The following DLG2 variants were observed in gnomAD, a reference collection of about 807,000 sequenced individuals.
DLG2 encodes discs large MAGUK scaffold protein 2, also known as disks large homolog 2.
Under a neutral mutation model 132.5 loss-of-function variants are expected in DLG2, and 45 were observed. The observed-to-expected ratio is 0.34, with a 90% CI of 0.27 to 0.44. The LOEUF (loss-of-function observed/expected upper bound fraction) is 0.44. Ranked by LOEUF, DLG2 falls within the 20% of genes least tolerant of loss-of-function variation. DLG2 has a pLI of 1.00. For synonymous variants in DLG2, 424 were observed against 419.6 expected (o/e 1.01, Z -0.13); for missense variants, 1,045 against 1,196.9 (o/e 0.87, Z 1.87).
chr11:85,194,543 C>T (rs191109649), intron 4 of DLG2, among the ~76,000 whole-genome samples: 1 of 151,928 alleles, frequency 6.6e-6, no homozygotes, highest in Non-Finnish European at 1.5e-5. Flanking sequence ...CCAGAAGTCT[C>T]AGAGAGTAGA....
chr11:84,856,739 G>T (rs2082836866), intron 6 of DLG2, among the ~76,000 whole-genome samples: 1 of 151,962 alleles, frequency 6.6e-6, no homozygotes. Context: ...TCTAAAGACT[G>T]AGACGAAAGT....
chr11:83,589,958 G>A (rs1396058122), intron 19 of DLG2, among the ~76,000 whole-genome samples: 1 of 143,118 alleles, frequency 7.0e-6, no homozygotes, highest in Non-Finnish European at 1.5e-5. Flanking sequence ...AAATATATAT[G>A]CACCCAATAC....
intron 4 of DLG2, among the ~76,000 whole-genome samples, chr11:85,260,294 G>GA (rs1204458039): frequency 2.6e-5 from 4 of 152,306 alleles, no homozygotes; most frequent in African/African-American, 9.6e-5. Context: ...ACTGTCAATA[G>GA]AGTGCTACTT....
At chr11:84,404,907 C>A (rs192629930) in intron 7 of DLG2, among the ~76,000 whole-genome samples, 6 of 152,232 alleles carry the variant, frequency 3.9e-5, no homozygotes, top group Non-Finnish European at 8.8e-5. Flanking sequence ...ATGTCACTTA[C>A]TTTTTATAGA....
At chr11:84,359,767 T>C (rs186675468) in intron 7 of DLG2, among the ~76,000 whole-genome samples, 54 of 152,026 alleles carry the variant, frequency 3.6e-4, no homozygotes, top group Admixed American at 2.4e-3. Context: ...GAGCTTCCTA[T>C]GGCTCCCTAC....
At chr11:84,251,206 T>C (rs1222135634) in intron 8 of DLG2, 32 bp downstream of exon 8, 5 of 1,420,800 alleles carry the variant, frequency 3.5e-6, no homozygotes, top group Non-Finnish European at 4.8e-6. Flanking sequence ...ACCACAGTTT[T>C]AAAAGAAGGT....
At chr11:84,819,704 C>T (rs564710097) in intron 6 of DLG2, among the ~76,000 whole-genome samples, 3 of 151,904 alleles carry the variant, frequency 2.0e-5, no homozygotes, top group African/African-American at 4.8e-5. Context: ...GCTGAGTTAC[C>T]GCCTCACTGG....
chr11:85,056,942 C>T (rs1156377924), intron 6 of DLG2, among the ~76,000 whole-genome samples: 2 of 151,640 alleles, frequency 1.3e-5, no homozygotes, highest in Non-Finnish European at 3.0e-5. Flanking sequence ...TTAAAAAATA[C>T]TAAAGAGAGT....
At chr11:84,944,204 T>C (rs144003333) in intron 6 of DLG2, among the ~76,000 whole-genome samples, 2 of 152,296 alleles carry the variant, frequency 1.3e-5, no homozygotes, top group East Asian at 1.9e-4. Flanking sequence ...TGTTGTGCAG[T>C]AGTCTTCTTT....
chr11:84,327,374 T>C (rs1411761364), intron 7 of DLG2, among the ~76,000 whole-genome samples: 1 of 152,168 alleles, frequency 6.6e-6, no homozygotes, highest in Non-Finnish European at 1.5e-5. Flanking sequence ...TGAGACACCG[T>C]GCCCAGCTGA....
At chr11:85,083,629 G>C (rs1350778653) in intron 6 of DLG2, among the ~76,000 whole-genome samples, 2 of 152,060 alleles carry the variant, frequency 1.3e-5, no homozygotes, top group African/African-American at 2.4e-5. Context: ...CGGCAGGGGG[G>C]CTTCTAGGTC....
chr11:85,190,311 G>A (rs1355013003), intron 4 of DLG2, among the ~76,000 whole-genome samples: 1 of 152,138 alleles, frequency 6.6e-6, no homozygotes, highest in African/African-American at 2.4e-5. Context: ...AGTAGCTCCT[G>A]AGTCAAAATG....
intron 6 of DLG2, among the ~76,000 whole-genome samples, chr11:84,908,730 A>G (rs550162356): frequency 6.6e-5 from 10 of 151,902 alleles, no homozygotes; most frequent in African/African-American, 2.4e-4. Context: ...TTTTATGTAT[A>G]AGACACCATG....
At chr11:83,499,503 A>G (rs2094329187) in intron 21 of DLG2, among the ~76,000 whole-genome samples, 1 of 152,028 alleles carries the variant, frequency 6.6e-6, no homozygotes, top group Non-Finnish European at 1.5e-5. Flanking sequence ...ATTGCTTTCA[A>G]ATAATCTGTA....
chr11:84,563,757 T>A (rs1361893150), intron 6 of DLG2, among the ~76,000 whole-genome samples: 1 of 152,200 alleles, frequency 6.6e-6, no homozygotes, highest in Admixed American at 6.5e-5. Flanking sequence ...TGGTCCTGGC[T>A]CTGTGAGGCT....
intron 11 of DLG2, among the ~76,000 whole-genome samples, chr11:83,988,987 A>C (rs139428254): frequency 6.6e-6 from 1 of 152,056 alleles, no homozygotes; most frequent in African/African-American, 2.4e-5. Flanking sequence ...ATTTTGTACT[A>C]TGCAAGTAGA....
At chr11:84,646,013 C>A (rs2099674480) in intron 6 of DLG2, among the ~76,000 whole-genome samples, 1 of 152,204 alleles carries the variant, frequency 6.6e-6, no homozygotes, top group African/African-American at 2.4e-5. Flanking sequence ...CCGAAAACTT[C>A]TGAGAAGGGG....
chr11:85,530,582 A>G (rs2075136874), intron 3 of DLG2, among the ~76,000 whole-genome samples: 2 of 152,056 alleles, frequency 1.3e-5, no homozygotes, highest in Admixed American at 1.3e-4. Flanking sequence ...CGGCCTCCCA[A>G]AGTCCTGGGA....
chr11:84,931,936 T>A (rs2048143616), intron 6 of DLG2, among the ~76,000 whole-genome samples: 1 of 152,242 alleles, frequency 6.6e-6, no homozygotes, highest in African/African-American at 2.4e-5. Context: ...CGTCTGTTCA[T>A]GTCCTTTGCC....
Sources: allele counts gnomAD v4.1 joint callset (sites outside exome capture counted in the v4.1 genomes callset), GRCh38; gene constraint gnomAD v4.1.1; transcripts MANE v1.5; gene names NCBI Gene and HGNC (gene_info 2026-07-23, HGNC 2026-07-21).